COL6A3: variants seen among roughly 807,000 people sequenced by gnomAD.
The protein encoded by COL6A3 is collagen alpha-3(VI) chain.
COL6A3 carries 137 observed loss-of-function variants against 274.1 expected under a neutral mutation model. The observed-to-expected ratio is 0.50, with a 90% CI of 0.44 to 0.58. The LOEUF (loss-of-function observed/expected upper bound fraction) is 0.58, where lower values mean the gene tolerates loss of function less well. Ranked by LOEUF, COL6A3 falls within the 20% of genes least tolerant of loss-of-function variation. COL6A3 has a pLI of 0.00. For missense variants in COL6A3, 3,950 were observed against 4,124.9 expected, an observed-to-expected ratio of 0.96 and a Z score of 1.16; for synonymous variants, 1,650 against 1,650.6, an observed-to-expected ratio of 1.00 and a Z score of 0.01.
intron 1 of COL6A3, among the ~76,000 whole-genome samples, chr2:237,409,736 T>A (rs563321922): frequency 1.8e-4 from 28 of 152,316 alleles, no homozygotes; most frequent in Middle Eastern, 3.4e-3. Flanking sequence ...TGTCCATTAT[T>A]AGGGGAAAGT....
intron 1 of COL6A3, among the ~76,000 whole-genome samples, chr2:237,409,672 G>A (rs4663747): frequency 0.23 from 34,701 of 152,052 alleles, 4,222 homozygotes; most frequent in Admixed American, 0.35. Context: ...TATTCAAGAC[G>A]AGACATTCAT....
chr2:237,324,722 C>T lies in COL6A3; in HGVS notation c.*52G>A, dbSNP rs374558518. The T allele has an allele frequency of 1.0e-4, 159 of 1,580,150 alleles. 1 individual carries two copies. Among genetic ancestry groups the T allele is most frequent in the Middle Eastern group, 3.3e-4 (2 of 6,032 alleles). On this transcript the variant is annotated 3_prime_UTR_variant, in exon 44 of 44. Coordinates refer to ENST00000295550, the MANE Select transcript of COL6A3 (RefSeq NM_004369.4). The stretch of plus-strand genomic sequence containing the variant: ...CGGAGCTTCTACAGAGACAAGTTGG[C>T]GATGGCTGACTCCTTCTTCTTCAAG...
At chr2:237,396,061 T>A (rs2078433181) in intron 2 of COL6A3, among the ~76,000 whole-genome samples, 1 of 152,140 alleles carries the variant, frequency 6.6e-6, no homozygotes, top group Non-Finnish European at 1.5e-5. Context: ...CTTCCCTCCA[T>A]CTAAGAGCAA....
chr2:237,355,134 C>T (rs1210649963), intron 23 of COL6A3, 200 bp from the exon 24 acceptor site: 4 of 523,394 alleles, frequency 7.6e-6, no homozygotes, highest in South Asian at 6.8e-5. Flanking sequence ...CTTCCTCCAC[C>T]CTCATCCGGG....
chr2:237,409,350 G>T (rs2078797475), intron 1 of COL6A3, among the ~76,000 whole-genome samples: 1 of 151,794 alleles, frequency 6.6e-6, no homozygotes, highest in African/African-American at 2.4e-5. Flanking sequence ...CAACATGCAG[G>T]TTTGTTACAT....
In COL6A3 at chr2:237,354,943, G is replaced by T. The variant is rs1327033590; in HGVS notation, c.6592-9C>A. ...CTTCGGCCAAAGCCACCCTGTGGAAGAAAAAGTCCCACAAACTGTGAGGGG... is the reference window on the plus strand; with the variant it reads ...CTTCGGCCAAAGCCACCCTGTGGAATAAAAAGTCCCACAAACTGTGAGGGG... On this transcript the variant is annotated splice_polypyrimidine_tract_variant and intron_variant, in intron 23 of 43. Coordinates refer to ENST00000295550, the MANE Select transcript of COL6A3 (RefSeq NM_004369.4). 1 of 1,613,678 alleles carries T rather than the reference G, an allele frequency of 6.2e-7. No homozygotes were observed. Among genetic ancestry groups the T allele is most frequent in the South Asian group, 1.1e-5 (1 of 90,946 alleles).
At chr2:237,350,775 TG>T (rs1271409494) in intron 27 of COL6A3, among the ~76,000 whole-genome samples, 2 of 152,166 alleles carry the variant, frequency 1.3e-5, no homozygotes, top group Non-Finnish European at 2.9e-5. Flanking sequence ...CATATTATAC[TG>T]AAACTGTACC....
intron 1 of COL6A3, among the ~76,000 whole-genome samples, chr2:237,411,902 G>A (rs929643444): frequency 6.6e-6 from 1 of 152,082 alleles, no homozygotes. Context: ...ACATTCTAGA[G>A]GCTTCCCCAG....
In COL6A3 at chr2:237,344,255, G is replaced by T. The variant is rs11885964; in HGVS notation, c.7668+95C>A. The T allele has an allele frequency of 8.8e-4, 1,395 of 1,583,780 alleles. 12 individuals carry two copies. The African/African-American group carries it at 0.016, about 18-fold the overall frequency. On this transcript the variant is annotated intron_variant, in intron 36 of 43. Coordinates refer to ENST00000295550, the MANE Select transcript of COL6A3 (RefSeq NM_004369.4). This position sits in a 1 kb window ranked among gnomAD's most constrained non-coding sequence, Gnocchi z 4.8. ...CATTGGGGACGTTTTAGGAGCTATG[G>T]GACATGAAGCCACAAAGGAGCATGG...
intron 3 of COL6A3, among the ~76,000 whole-genome samples, chr2:237,390,389 T>C (rs2078257557): frequency 6.6e-6 from 1 of 152,112 alleles, no homozygotes; most frequent in South Asian, 2.1e-4. Context: ...ACACACACAA[T>C]AATGGGACAT....
Position 237,363,336 on chromosome 2 carries a change from G to A in COL6A3, c.5980C>T (p.Leu1994=). ...TACATAAACCCTCGCCCAAACTCCA[G>A]ATGCATTAGCCGCTCCAAGTTGACC... ...RVVNLERLMH[L]EFGRGFMYDR... is the part of the protein sequence containing the mutation. Residue 1994 remains leucine (L), a synonymous_variant, in exon 14 of 44, where the codon CTG becomes TTG. Transcript: ENST00000295550. The A allele has an allele frequency of 1.9e-6, 3 of 1,614,110 alleles. No homozygotes were observed. The highest frequency in any genetic ancestry group is 2.2e-5 in the South Asian group (2 of 91,066).
At chr2:237,396,149 G>C (rs1263973870) in intron 2 of COL6A3, among the ~76,000 whole-genome samples, 1 of 152,212 alleles carries the variant, frequency 6.6e-6, no homozygotes, top group Admixed American at 6.5e-5. Flanking sequence ...GTCCTTTCCA[G>C]CTTGCAATGC....
intron 41 of COL6A3, among the ~76,000 whole-genome samples, chr2:237,334,279 G>T (rs1419385293): frequency 2.0e-5 from 3 of 152,220 alleles, no homozygotes; most frequent in African/African-American, 7.2e-5. Flanking sequence ...CCTGGACGGG[G>T]TGGTGGGCAA....
At chr2:237,357,020 T>A in intron 23 of COL6A3, 1 of 435,072 alleles carries the variant, frequency 2.3e-6, no homozygotes. Flanking sequence ...CCTCCCCCAG[T>A]ATTAGGATTT....
At position 237,344,158 on chromosome 2, in the gene COL6A3, G is replaced by C. The variant is rs2077049458; in HGVS notation, c.7668+192C>G. On this transcript the variant is annotated intron_variant, in intron 36 of 43. Coordinates refer to ENST00000295550, the MANE Select transcript of COL6A3 (RefSeq NM_004369.4). The surrounding 1 kb of genome is among the most constrained non-coding windows in gnomAD (Gnocchi z 4.8). ...TGGGGGCAGTGCTACAAGCATGTAG[G>C]CGTCCCTGTAGTGCTGGAGCCACGA... The C allele has an allele frequency of 2.6e-6, 2 of 782,044 alleles. No homozygotes were observed. The highest frequency in any genetic ancestry group is 1.5e-5 in the South Asian group (1 of 67,906). 48.4% of individuals were successfully genotyped at this position (782,044 alleles called of 1,614,324 possible).
At position 237,364,291 on chromosome 2, in the gene COL6A3, G is replaced by T; in HGVS notation, c.5917+59C>A. On this transcript the variant is annotated intron_variant, in intron 13 of 43. Transcript: ENST00000295550. The surrounding 1 kb of genome is among the most constrained non-coding windows in gnomAD (Gnocchi z 4.6). ...AGCAGAGAGGTTTCTCTCCAGCAGA[G>T]CAGTACACCCCGCCTCACCAGGGTT... 1 of 1,328,742 alleles carries T rather than the reference G, an allele frequency of 7.5e-7. No individual in the cohort carries two copies. The highest frequency in any genetic ancestry group is 1.1e-6 in the Non-Finnish European group (1 of 923,606). The allele number at this position is 1,328,742 out of a possible 1,614,324, so 82.3% of individuals were successfully genotyped here. A position where few individuals can be genotyped will look rare whatever the true frequency, so the allele number is the denominator to read the frequency against.
chr2:237,388,267 T>C, intron 3 of COL6A3, 83 bp from the exon 4 acceptor site: 2 of 1,573,692 alleles, frequency 1.3e-6, no homozygotes, highest in Non-Finnish European at 1.7e-6. Flanking sequence ...ACATGTTTCT[T>C]TGGAAACCAA....
At chr2:237,358,173 G>A (rs1001083866) in intron 21 of COL6A3, among the ~76,000 whole-genome samples, 1 of 152,206 alleles carries the variant, frequency 6.6e-6, no homozygotes, top group African/African-American at 2.4e-5. Flanking sequence ...TGGACTGGAA[G>A]AAGAGGCTAG....
chr2:237,378,446 G>A (rs140006091), intron 6 of COL6A3, among the ~76,000 whole-genome samples, 190 bp downstream of exon 6: 7 of 152,298 alleles, frequency 4.6e-5, no homozygotes, highest in Non-Finnish European at 7.3e-5. Flanking sequence ...ACTTTCCTTC[G>A]TGAACACCCT....
Sources: allele counts gnomAD v4.1 joint callset (sites outside exome capture counted in the v4.1 genomes callset), GRCh38; gene constraint gnomAD v4.1.1; non-coding constraint Gnocchi (gnomAD v3.1); transcripts MANE v1.5; gene names NCBI Gene and HGNC (gene_info 2026-07-23, HGNC 2026-07-21).